STAB2: variants seen among roughly 807,000 people sequenced by gnomAD.
STAB2 encodes stabilin 2.
A neutral mutation model predicts 338.1 loss-of-function variants in STAB2; 288 were observed. The observed-to-expected ratio is 0.85, with a 90% CI of 0.77 to 0.94. The LOEUF (loss-of-function observed/expected upper bound fraction) is 0.94, where lower values mean the gene tolerates loss of function less well. Among genes scored for constraint, STAB2 ranks in the 40% least tolerant of loss-of-function variants. The pLI is 0.00. For synonymous variants in STAB2, 1,202 were observed against 1,193.3 expected, an observed-to-expected ratio of 1.01 and a Z score of -0.15; for missense variants, 3,141 against 3,210.1, an observed-to-expected ratio of 0.98 and a Z score of 0.52.
rs763166640 is a variant in STAB2 at position 103,762,326 on chromosome 12, T to C, written c.7412T>C (p.Val2471Ala). The C allele has an allele frequency of 6.2e-7, 1 of 1,614,222 alleles. No homozygotes were observed. The highest frequency in any genetic ancestry group is 2.2e-5 in the East Asian group (1 of 44,884). Residue 2471 changes from valine (V) to alanine (A), a missense_variant, in exon 67 of 69, where the codon GTG becomes GCG. Val to Ala is a moderately conservative substitution (Grantham distance 64). Coordinates refer to ENST00000388887, the MANE Select transcript of STAB2 (RefSeq NM_017564.10). ...GGGATCTTCTTTGCCATCATCCTGG[T>C]GACTGGGGCTGTTGCCTTGGCTGCT... ...GAGIFFAIILVTGAVALAAYS... is the reference protein window; with the variant it reads ...GAGIFFAIILATGAVALAAYS...
chr12:103,656,677 ATTTTTTTTT>A (rs62855260), intron 15 of STAB2, among the ~76,000 whole-genome samples: 1 of 119,000 alleles, frequency 8.4e-6, no homozygotes, highest in African/African-American at 3.3e-5. Flanking sequence ...AAAACTTAGG[ATTTTTTTTT>A]TTTTTTTTTT....
At chr12:103,699,038 A>G in intron 33 of STAB2, 58 bp from the exon 34 acceptor site, 3 of 1,557,834 alleles carry the variant, frequency 1.9e-6, no homozygotes, top group South Asian at 1.2e-5. Context: ...ACATGGGAGA[A>G]GCTGGGTAAC....
chr12:103,660,732 A>G lies in STAB2; in HGVS notation c.1838A>G (p.Asn613Ser). ...ACCCCTCACATCAGGAGCATGGCCAACCAGCTCATACAGTTCAACACCACC... is the reference window on the plus strand; with the variant it reads ...ACCCCTCACATCAGGAGCATGGCCAGCCAGCTCATACAGTTCAACACCACC... ...ISTPHIRSMA[N>S]QLIQFNTTDN... is the part of the protein sequence containing the mutation. The change falls in exon 17 of 69, where the codon AAC becomes AGC. Residue 613 changes from asparagine to serine, a missense_variant. Coordinates refer to ENST00000388887, the MANE Select transcript of STAB2 (RefSeq NM_017564.10). The G allele has an allele frequency of 1.2e-6, 2 of 1,614,138 alleles. No individual in the cohort carries two copies. Among genetic ancestry groups the G allele is most frequent in the Admixed American group, 1.7e-5 (1 of 60,028 alleles).
intron 11 of STAB2, among the ~76,000 whole-genome samples, chr12:103,651,451 C>T (rs1466358366): frequency 1.3e-5 from 2 of 151,540 alleles, no homozygotes; most frequent in African/African-American, 4.8e-5. Flanking sequence ...GTAGCTGGGA[C>T]TACAGGCACA....
At chr12:103,693,107 C>G (rs1878099626) in intron 31 of STAB2, among the ~76,000 whole-genome samples, 2 of 152,122 alleles carry the variant, frequency 1.3e-5, no homozygotes, top group Admixed American at 6.5e-5. Context: ...GCAATGGGCC[C>G]TTTATCAAGT....
chr12:103,661,593 G>C (rs527296398), intron 17 of STAB2, among the ~76,000 whole-genome samples: 7 of 152,088 alleles, frequency 4.6e-5, no homozygotes, highest in African/African-American at 1.7e-4. Context: ...GTGCTAAGGA[G>C]AAAAACAGCA....
intron 27 of STAB2, 118 bp downstream of exon 27, chr12:103,685,202 G>A: frequency 1.1e-6 from 1 of 950,038 alleles, no homozygotes; most frequent in Non-Finnish European, 1.6e-6. Flanking sequence ...TTTACATGAA[G>A]CAAGCTGTTT....
chr12:103,606,022 G>A (rs1385095556), intron 3 of STAB2, among the ~76,000 whole-genome samples: 1 of 151,812 alleles, frequency 6.6e-6, no homozygotes, highest in Non-Finnish European at 1.5e-5. Flanking sequence ...TATTTATTTT[G>A]TTTGTTCTAT....
At chr12:103,610,295 C>T (rs1260293862) in intron 3 of STAB2, among the ~76,000 whole-genome samples, 5 of 152,132 alleles carry the variant, frequency 3.3e-5, no homozygotes, top group South Asian at 4.1e-4. Flanking sequence ...TGGTAGACTT[C>T]GGCTGTGAAT....
At chr12:103,630,625 T>C (rs1169754450) in intron 5 of STAB2, among the ~76,000 whole-genome samples, 5 of 152,156 alleles carry the variant, frequency 3.3e-5, no homozygotes, top group Non-Finnish European at 7.3e-5. Context: ...CAAGAGTTGT[T>C]ATAAGTGGAT....
intron 19 of STAB2, among the ~76,000 whole-genome samples, chr12:103,667,685 C>T (rs1593807): frequency 6.6e-6 from 1 of 152,148 alleles, no homozygotes; most frequent in Non-Finnish European, 1.5e-5. Context: ...TCCTCAGTGA[C>T]CTCAGAATTC....
chr12:103,596,372 G>C (rs1956876137), intron 3 of STAB2, among the ~76,000 whole-genome samples: 1 of 152,204 alleles, frequency 6.6e-6, no homozygotes. Context: ...AAAACAGCCA[G>C]GAGGGCAAAA....
chr12:103,740,321 A>G (rs918392216), intron 54 of STAB2, among the ~76,000 whole-genome samples: 2 of 151,836 alleles, frequency 1.3e-5, no homozygotes, highest in African/African-American at 4.8e-5. Flanking sequence ...ACAGCAAGCT[A>G]CCTCCTTCCC....
In STAB2 at chr12:103,735,484, C is replaced by T; in HGVS notation, c.5461-7C>T. The stretch of plus-strand genomic sequence containing the variant: ...GGGGCAGTCACGTGGTGCCATCACT[C>T]CTACAGGTTTTAGCTGTGGATCTTC... On this transcript the variant is annotated splice_region_variant and splice_polypyrimidine_tract_variant and intron_variant, in intron 51 of 68. Transcript: ENST00000388887. 1.2e-6 allele frequency: 2 copies of T among 1,603,002 alleles called. No homozygotes were observed. Among genetic ancestry groups the T allele is most frequent in the African/African-American group, 1.3e-5 (1 of 74,678 alleles).
intron 9 of STAB2, among the ~76,000 whole-genome samples, chr12:103,647,950 C>A (rs962897015): frequency 2.0e-5 from 3 of 152,200 alleles, no homozygotes; most frequent in Admixed American, 6.5e-5. Flanking sequence ...TATTGTACAA[C>A]TATTGAGCAC....
At chr12:103,704,213 C>T (rs940391458) in intron 35 of STAB2, among the ~76,000 whole-genome samples, 2 of 152,224 alleles carry the variant, frequency 1.3e-5, no homozygotes, top group African/African-American at 4.8e-5. Context: ...GCAATGTGCT[C>T]CGAAGCTGGG....
intron 5 of STAB2, among the ~76,000 whole-genome samples, chr12:103,624,962 G>T (rs1364867158): frequency 7.4e-6 from 1 of 134,678 alleles, no homozygotes; most frequent in African/African-American, 2.8e-5. Flanking sequence ...AAAAAAAAAA[G>T]GATATTGGTG....
intron 11 of STAB2, among the ~76,000 whole-genome samples, chr12:103,651,906 T>G (rs1433537855): frequency 1.3e-5 from 2 of 152,356 alleles, no homozygotes; most frequent in African/African-American, 4.8e-5. Context: ...CTGTCTGATA[T>G]TCATCTCTCT....
chr12:103,716,601 A>G (rs1161267898), intron 43 of STAB2, among the ~76,000 whole-genome samples: 1 of 152,216 alleles, frequency 6.6e-6, no homozygotes, highest in Non-Finnish European at 1.5e-5. Flanking sequence ...TGGGCAGATC[A>G]AGCAAGTACC....
Sources: allele counts gnomAD v4.1 joint callset (sites outside exome capture counted in the v4.1 genomes callset), GRCh38; gene constraint gnomAD v4.1.1; transcripts MANE v1.5; gene names NCBI Gene and HGNC (gene_info 2026-07-23, HGNC 2026-07-21).